Variants in PIGU observed in about 807,000 individuals in gnomAD.
The protein encoded by PIGU is GPI-anchor transamidase component PIGU.
A neutral mutation model predicts 49.9 loss-of-function variants in PIGU; 24 were observed. The observed-to-expected ratio is 0.48, with a 90% CI of 0.35 to 0.68. The LOEUF is 0.68. PIGU is among the 30% of genes least tolerant of loss of function. The probability of loss-of-function intolerance (pLI) is 0.01; values close to 1 mark genes in which losing one functional copy is unlikely to be tolerated. For synonymous variants in PIGU, 220 were observed against 205.7 expected (o/e 1.07, Z -0.59); for missense variants, 490 against 532.6 (o/e 0.92, Z 0.79).
chr20:34,643,507 C>A (rs1198060592), intron 4 of PIGU: 1 of 152,234 alleles, frequency 6.6e-6, no homozygotes, highest in Admixed American at 6.5e-5. Flanking sequence ...AATCTTCTCT[C>A]TCAGTGGCTC....
intron 6 of PIGU, among the ~76,000 whole-genome samples, chr20:34,625,811 G>A (rs574090341): frequency 7.8e-4 from 118 of 151,382 alleles, no homozygotes; most frequent in Non-Finnish European, 1.5e-3. Flanking sequence ...ATGGGAGGAT[G>A]GGGTGGGAGG....
At chr20:34,639,144 G>A (rs1986065954) in intron 4 of PIGU, among the ~76,000 whole-genome samples, 1 of 152,174 alleles carries the variant, frequency 6.6e-6, no homozygotes, top group Admixed American at 6.5e-5. Flanking sequence ...GCTCATGCCT[G>A]TAATCCCAGC....
intron 10 of PIGU, chr20:34,579,363 G>A (rs191496002): frequency 6.6e-6 from 1 of 152,216 alleles, no homozygotes; most frequent in Non-Finnish European, 1.5e-5. Flanking sequence ...CCTACACTCA[G>A]GGAGGGGCCA....
intron 9 of PIGU, 60 bp from the exon 10 acceptor site, chr20:34,581,732 G>A: frequency 1.3e-6 from 2 of 1,569,936 alleles, no homozygotes; most frequent in Non-Finnish European, 1.7e-6. Flanking sequence ...CTACCCTAGA[G>A]ACTCCTGACT....
chr20:34,570,561 C>T (rs1346081482), intron 11 of PIGU, among the ~76,000 whole-genome samples: 4 of 152,154 alleles, frequency 2.6e-5, no homozygotes, highest in South Asian at 2.1e-4. Context: ...ACTACAGGCG[C>T]GTGCCACCAC....
intron 2 of PIGU, among the ~76,000 whole-genome samples, chr20:34,651,394 C>T (rs1263739513): frequency 1.3e-5 from 2 of 152,246 alleles, no homozygotes; most frequent in East Asian, 3.8e-4. Flanking sequence ...GTGTCACTTA[C>T]AAATTGGTAA....
chr20:34,635,875 C>CAA (rs796668421), intron 5 of PIGU, among the ~76,000 whole-genome samples: 4 of 135,060 alleles, frequency 3.0e-5, no homozygotes, highest in South Asian at 2.3e-4. Flanking sequence ...AGCTCAGTCT[C>CAA]AAAAAAAAAA....
intron 1 of PIGU, among the ~76,000 whole-genome samples, chr20:34,664,909 G>A (rs1037233182): frequency 2.0e-5 from 3 of 152,028 alleles, no homozygotes; most frequent in Non-Finnish European, 4.4e-5. Context: ...GAGCCCAAGA[G>A]TTCAAGGCTG....
At chr20:34,585,672 C>A in intron 8 of PIGU, 92 bp from the exon 9 acceptor site, 1 of 1,450,680 alleles carries the variant, frequency 6.9e-7, no homozygotes, top group South Asian at 1.3e-5. Flanking sequence ...TTGGTCACTG[C>A]TGGGCAGCCA....
At chr20:34,649,403 T>C (rs182509387) in intron 2 of PIGU, among the ~76,000 whole-genome samples, 1,784 of 151,750 alleles carry the variant, frequency 0.012, 45 homozygotes, top group African/African-American at 0.041. Flanking sequence ...TTTTTTTTTT[T>C]CTGTGTTTTC....
At chr20:34,597,233 G>A (rs1984236577) in intron 7 of PIGU, among the ~76,000 whole-genome samples, 1 of 152,114 alleles carries the variant, frequency 6.6e-6, no homozygotes, top group African/African-American at 2.4e-5. Flanking sequence ...AACTGGAAAT[G>A]GGCCCAAGTT....
In PIGU at chr20:34,652,918, T is replaced by C. The variant is rs182648628; in HGVS notation, c.195+4262A>G. 8.2e-3 allele frequency among the ~76,000 whole-genome samples: 1,252 copies of C among 152,180 alleles called. 25 individuals carry two copies. Among genetic ancestry groups the C allele is most frequent in the African/African-American group, 0.029 (1,211 of 41,540 alleles). ...TTCCGTGTACATTTGAAAAAAATTA[T>C]GTGTTTTGCTGTTGTTGGATGGAGT... On this transcript the variant is annotated intron_variant, in intron 2 of 11. Transcript: ENST00000217446.
intron 11 of PIGU, among the ~76,000 whole-genome samples, chr20:34,564,165 G>A (rs1048043741): frequency 2.0e-5 from 3 of 152,126 alleles, no homozygotes; most frequent in African/African-American, 7.2e-5. Flanking sequence ...GGCTGTGACT[G>A]GAACAACAGG....
At chr20:34,673,529 C>T (rs930204326) in intron 1 of PIGU, among the ~76,000 whole-genome samples, 2 of 152,158 alleles carry the variant, frequency 1.3e-5, no homozygotes, top group African/African-American at 4.8e-5. Context: ...AAGCTCCAGA[C>T]CTAAACCTGT....
At chr20:34,665,099 C>T (rs1399390372) in intron 1 of PIGU, among the ~76,000 whole-genome samples, 2 of 151,838 alleles carry the variant, frequency 1.3e-5, no homozygotes, top group Non-Finnish European at 2.9e-5. Flanking sequence ...GATCTTGGCT[C>T]ACTGCAACCT....
At position 34,608,285 on chromosome 20, in the gene PIGU, G is replaced by A. The variant is rs995976876; in HGVS notation, c.627+7757C>T. On this transcript the variant is annotated intron_variant, in intron 7 of 11. Transcript: ENST00000217446. Reference sequence around the variant, plus strand: ...GAAGGAGTTTCACCATGTTGTCCAGGCTGGTCTGGAACTACTGACTTCAAG... The same window carrying A: ...GAAGGAGTTTCACCATGTTGTCCAGACTGGTCTGGAACTACTGACTTCAAG... Among the ~76,000 whole-genome samples, 8 of 151,888 alleles carry A rather than the reference G, an allele frequency of 5.3e-5. 1 individual carries two copies. The highest frequency in any genetic ancestry group is 5.2e-4 in the Admixed American group (8 of 15,262).
rs189442755 is a variant in PIGU, at chr20:34,573,337, C to T, written c.1194+1767G>A. 7.3e-4 allele frequency among the ~76,000 whole-genome samples: 111 copies of T among 152,298 alleles called. 1 individual carries two copies. Among genetic ancestry groups the T allele is most frequent in the Non-Finnish European group, 4.4e-5 (3 of 68,018 alleles). ...TGATCCACCTGCCTTTGGTTTCCAT[C>T]CCTAACCCCAATCCCTCTTTCCAAT... On this transcript the variant is annotated intron_variant, in intron 11 of 11. Transcript: ENST00000217446.
intron 11 of PIGU, among the ~76,000 whole-genome samples, chr20:34,565,258 C>G (rs1411894099): frequency 1.2e-5 from 1 of 83,678 alleles, no homozygotes; most frequent in African/African-American, 4.3e-5. Context: ...CAATGCTGGG[C>G]TCCTCTAGTT....
chr20:34,570,593 T>C (rs1254664293), intron 11 of PIGU, among the ~76,000 whole-genome samples: 1 of 152,186 alleles, frequency 6.6e-6, no homozygotes, highest in Non-Finnish European at 1.5e-5. Context: ...TTTTGTATTT[T>C]TAGTAGAGAC....
Sources: gnomAD v4.1 joint callset for allele counts (sites outside exome capture counted in the v4.1 genomes callset) on GRCh38, gnomAD v4.1.1 for gene constraint, MANE v1.5 for transcripts, NCBI Gene and HGNC (gene_info 2026-07-23, HGNC 2026-07-21) for gene names.